NRG3: variants seen among roughly 807,000 people sequenced by gnomAD.
The protein encoded by NRG3 is neuregulin 3.
NRG3 carries 31 observed loss-of-function variants against 66.9 expected under a neutral mutation model. The observed-to-expected ratio is 0.46, with a 90% CI of 0.35 to 0.63. The LOEUF is 0.63. Among genes scored for constraint, NRG3 ranks in the 20% least tolerant of loss-of-function variants. The probability of loss-of-function intolerance (pLI) is 0.00; values close to 1 mark genes in which losing one functional copy is unlikely to be tolerated. For missense variants in NRG3, 910 were observed against 878.9 expected (o/e 1.04, Z -0.45); for synonymous variants, 393 against 359.4 (o/e 1.09, Z -1.06).
At chr10:82,981,464 A>C (rs2132670192) in intron 8 of NRG3, among the ~76,000 whole-genome samples, 1 of 152,342 alleles carries the variant, frequency 6.6e-6, no homozygotes, top group East Asian at 1.9e-4. Context: ...GTCTCTCTGG[A>C]CTGGAAATGG....
intron 3 of NRG3, among the ~76,000 whole-genome samples, chr10:82,744,344 T>C (rs2058554354): frequency 6.6e-6 from 1 of 152,164 alleles, no homozygotes; most frequent in Admixed American, 6.5e-5. Context: ...TGCTAGGAAG[T>C]CAAGATCAAG....
intron 1 of NRG3, among the ~76,000 whole-genome samples, chr10:82,329,027 G>C (rs946603039): frequency 6.6e-6 from 1 of 152,156 alleles, no homozygotes; most frequent in African/African-American, 2.4e-5. Flanking sequence ...TCCTTTGCCT[G>C]CCTCCAAAGC....
chr10:82,045,886 G>A (rs1336444827), intron 1 of NRG3, among the ~76,000 whole-genome samples: 15 of 150,128 alleles, frequency 1.0e-4, no homozygotes, highest in East Asian at 2.0e-4. Context: ...GTAGATATGC[G>A]GTGTTATTTC....
intron 2 of NRG3, among the ~76,000 whole-genome samples, chr10:82,644,816 T>G (rs2050825279): frequency 6.6e-6 from 1 of 152,140 alleles, no homozygotes; most frequent in African/African-American, 2.4e-5. Flanking sequence ...AAAAGTATGC[T>G]AAGACATTGC....
At chr10:82,826,845 C>T (rs1465625304) in intron 3 of NRG3, among the ~76,000 whole-genome samples, 4 of 151,646 alleles carry the variant, frequency 2.6e-5, no homozygotes, top group African/African-American at 9.7e-5. Flanking sequence ...CCTTGTACAC[C>T]AAATCCCAGA....
At chr10:82,153,029 A>G (rs934784217) in intron 1 of NRG3, among the ~76,000 whole-genome samples, 1 of 151,970 alleles carries the variant, frequency 6.6e-6, no homozygotes, top group African/African-American at 2.4e-5. Flanking sequence ...TTTAGTTAAC[A>G]TTTATCACCT....
intron 1 of NRG3, among the ~76,000 whole-genome samples, chr10:82,038,519 G>C (rs2062892947): frequency 6.6e-6 from 1 of 152,134 alleles, no homozygotes; most frequent in Admixed American, 6.6e-5. Flanking sequence ...CTCAATTTCA[G>C]ACTACTAGAA....
At chr10:82,501,836 C>G (rs1844220637) in intron 2 of NRG3, among the ~76,000 whole-genome samples, 2 of 152,070 alleles carry the variant, frequency 1.3e-5, no homozygotes, top group Admixed American at 6.6e-5. Flanking sequence ...ATATTTTTAT[C>G]CTGCATATTT....
At chr10:82,538,527 C>A (rs1472745802) in intron 2 of NRG3, among the ~76,000 whole-genome samples, 2 of 152,016 alleles carry the variant, frequency 1.3e-5, no homozygotes, top group African/African-American at 4.8e-5. Context: ...GGAAATTTTT[C>A]TGTTATCAGT....
At chr10:82,281,410 A>G (rs1197911863) in intron 1 of NRG3, among the ~76,000 whole-genome samples, 1 of 152,176 alleles carries the variant, frequency 6.6e-6, no homozygotes, top group Non-Finnish European at 1.5e-5. Context: ...ATTACTCTTC[A>G]GCAAAGACCT....
At chr10:82,573,496 C>T (rs1290188262) in intron 2 of NRG3, among the ~76,000 whole-genome samples, 2 of 151,754 alleles carry the variant, frequency 1.3e-5, no homozygotes, top group Non-Finnish European at 2.9e-5. Context: ...CAGAAGATTT[C>T]ATTTGGAACC....
intron 3 of NRG3, among the ~76,000 whole-genome samples, chr10:82,800,706 C>T (rs538430391): frequency 6.6e-6 from 1 of 152,264 alleles, no homozygotes; most frequent in South Asian, 2.1e-4. Flanking sequence ...AGCAAACAAG[C>T]TGCAAAGTAC....
chr10:82,967,138 T>A (rs2132521599), intron 6 of NRG3, among the ~76,000 whole-genome samples: 1 of 140,178 alleles, frequency 7.1e-6, no homozygotes. Flanking sequence ...TCAAAGATTT[T>A]ATATATATAT....
At chr10:81,990,151 C>T (rs751076307) in intron 1 of NRG3, among the ~76,000 whole-genome samples, 6 of 152,126 alleles carry the variant, frequency 3.9e-5, no homozygotes, top group Non-Finnish European at 8.8e-5. Context: ...CTTTAGATCT[C>T]AATGTTCTCA....
chr10:82,258,240 T>C (rs2134173140), intron 1 of NRG3, among the ~76,000 whole-genome samples: 1 of 152,362 alleles, frequency 6.6e-6, no homozygotes, highest in Middle Eastern at 3.4e-3. Flanking sequence ...TCCTAGGGAA[T>C]AGATGGTGAT....
intron 2 of NRG3, among the ~76,000 whole-genome samples, chr10:82,519,273 C>T (rs1845977295): frequency 6.6e-6 from 1 of 152,152 alleles, no homozygotes; most frequent in South Asian, 2.1e-4. Context: ...ACTTTATCCT[C>T]TAAATTTGAG....
At chr10:82,290,190 G>A (rs1385330381) in intron 1 of NRG3, among the ~76,000 whole-genome samples, 1 of 152,176 alleles carries the variant, frequency 6.6e-6, no homozygotes, top group Admixed American at 6.5e-5. Context: ...CTTAGGTGTA[G>A]TATGCTTTGG....
intron 1 of NRG3, among the ~76,000 whole-genome samples, chr10:82,276,413 A>G (rs1441506698): frequency 6.6e-6 from 1 of 152,010 alleles, no homozygotes; most frequent in Non-Finnish European, 1.5e-5. Context: ...ACTGAAGGAA[A>G]AGGAATTTTT....
intron 1 of NRG3, among the ~76,000 whole-genome samples, chr10:81,940,735 C>T (rs1410946481): frequency 6.6e-6 from 1 of 151,358 alleles, no homozygotes. Flanking sequence ...TAGTCCAATT[C>T]CAGGTATCGT....
Sources: allele counts gnomAD v4.1 joint callset (sites outside exome capture counted in the v4.1 genomes callset), GRCh38; gene constraint gnomAD v4.1.1; transcripts MANE v1.5; gene names NCBI Gene and HGNC (gene_info 2026-07-23, HGNC 2026-07-21).